Variants in ARL3 observed in about 807,000 individuals in gnomAD.
ARL3 encodes ADP-ribosylation factor-like protein 3.
Under a neutral mutation model 26.0 loss-of-function variants are expected in ARL3, and 9 were observed. That is an observed-to-expected ratio of 0.35 (90% confidence interval 0.21 to 0.60). The LOEUF (loss-of-function observed/expected upper bound fraction) is 0.60. Ranked by LOEUF, ARL3 falls within the 20% of genes least tolerant of loss-of-function variation. The probability of loss-of-function intolerance (pLI) is 0.78; values close to 1 mark genes in which losing one functional copy is unlikely to be tolerated. For synonymous variants in ARL3, 71 were observed against 78.4 expected, an observed-to-expected ratio of 0.91 and a Z score of 0.50; for missense variants, 158 against 215.7, an observed-to-expected ratio of 0.73 and a Z score of 1.67.
At chr10:102,700,402 C>A (rs1392370150) in intron 2 of ARL3, among the ~76,000 whole-genome samples, 1 of 2,454 alleles carries the variant, frequency 4.1e-4, no homozygotes, top group East Asian at 0.021. Context: ...GAGTGAGATT[C>A]CATCTCAAAA....
chr10:102,679,698 C>G (rs1304743332), intron 5 of ARL3, among the ~76,000 whole-genome samples: 2 of 152,180 alleles, frequency 1.3e-5, no homozygotes, highest in African/African-American at 4.8e-5. Context: ...CCCAGCCAAG[C>G]CTCCCTGCAG....
In ARL3 at chr10:102,686,147, C is replaced by A. The variant is rs904911418; in HGVS notation, c.316-146G>T. 4 of 656,370 alleles carry A rather than the reference C, an allele frequency of 6.1e-6. No individual in the cohort carries two copies. In the African/African-American group the frequency reaches 7.4e-5, roughly 12 times the overall value. 40.7% of individuals were successfully genotyped at this position (656,370 alleles called of 1,614,324 possible). On this transcript the variant is annotated intron_variant, in intron 4 of 5. Coordinates refer to ENST00000260746, the MANE Select transcript of ARL3 (RefSeq NM_004311.4). ...AGTGCAATGGCGTGATCTCGGCTCA[C>A]TGCAACCTTCGCTTCCCAGGTTCAA... is the stretch of plus-strand genomic sequence containing the variant.
intron 5 of ARL3, 137 bp downstream of exon 5, chr10:102,685,678 AG>A (rs1164135194): frequency 8.6e-6 from 8 of 925,306 alleles, no homozygotes; most frequent in Non-Finnish European, 1.1e-5. Flanking sequence ...GTTGCTAAGC[AG>A]AAAAGAACCA....
intron 2 of ARL3, among the ~76,000 whole-genome samples, chr10:102,704,141 A>G (rs1590127431): frequency 9.6e-6 from 1 of 103,682 alleles, no homozygotes; most frequent in Admixed American, 1.5e-4. Context: ...ACAGAACGAG[A>G]CTCTGTCTCC....
At chr10:102,684,790 C>T (rs1018345076) in intron 5 of ARL3, among the ~76,000 whole-genome samples, 1 of 151,894 alleles carries the variant, frequency 6.6e-6, no homozygotes, top group Non-Finnish European at 1.5e-5. Context: ...AGGTGTGCAC[C>T]ACCATGTCCG....
rs1449255846 is a variant in ARL3, at chr10:102,676,113, T to G, written c.*781A>C. 2 of 149,128 alleles carry G rather than the reference T, an allele frequency of 1.3e-5. No individual in the cohort carries two copies. The highest frequency in any genetic ancestry group is 5.0e-5 in the African/African-American group (2 of 40,138). The allele number at this position is 149,128 out of a possible 1,614,324, so 9.2% of individuals were successfully genotyped here. Reference sequence around the variant, plus strand: ...CTTTTTAAGGACCTTGTAATTTTTCTGGAATTAAACCTCCCACCTCTCCTT... The same window carrying G: ...CTTTTTAAGGACCTTGTAATTTTTCGGGAATTAAACCTCCCACCTCTCCTT... On this transcript the variant is annotated 3_prime_UTR_variant, in exon 6 of 6. Transcript: ENST00000260746.
intron 3 of ARL3, among the ~76,000 whole-genome samples, chr10:102,697,449 T>G (rs540029175): frequency 6.6e-6 from 1 of 152,192 alleles, no homozygotes; most frequent in Non-Finnish European, 1.5e-5. Context: ...AGTGCTGGGA[T>G]TACAGGCGTG....
At chr10:102,689,182 G>A (rs56771365) in intron 4 of ARL3, among the ~76,000 whole-genome samples, 48,686 of 151,732 alleles carry the variant, frequency 0.32, 8,202 homozygotes, top group African/African-American at 0.37. Context: ...AAAATTAGCC[G>A]GGCGTGGTGG....
intron 3 of ARL3, among the ~76,000 whole-genome samples, chr10:102,697,436 C>T (rs889189047): frequency 2.0e-5 from 3 of 152,280 alleles, no homozygotes; most frequent in African/African-American, 7.2e-5. Context: ...CTTGGCCTCC[C>T]AAAGTGCTGG....
chr10:102,698,857 T>A (rs567044432), intron 3 of ARL3, among the ~76,000 whole-genome samples: 2 of 152,336 alleles, frequency 1.3e-5, no homozygotes, highest in African/African-American at 4.8e-5. Context: ...ACATTCCCCA[T>A]CTTGCTCTTG....
intron 3 of ARL3, among the ~76,000 whole-genome samples, chr10:102,694,217 C>T (rs1330600606): frequency 2.0e-5 from 3 of 151,458 alleles, no homozygotes; most frequent in Non-Finnish European, 4.4e-5. Context: ...TCTCGATCTC[C>T]TGACCTCGTG....
intron 2 of ARL3, among the ~76,000 whole-genome samples, chr10:102,702,809 G>T (rs937521407): frequency 3.9e-5 from 6 of 152,112 alleles, no homozygotes; most frequent in Admixed American, 2.0e-4. Context: ...TGTAAAAATT[G>T]TTCATTTGGT....
chr10:102,706,497 A>G (rs541597612), intron 1 of ARL3, among the ~76,000 whole-genome samples: 2 of 152,170 alleles, frequency 1.3e-5, no homozygotes, highest in Non-Finnish European at 2.9e-5. Context: ...AGACTTCTTC[A>G]TTCAAAATGT....
At chr10:102,693,185 T>C (rs1325136875) in intron 3 of ARL3, among the ~76,000 whole-genome samples, 1 of 152,240 alleles carries the variant, frequency 6.6e-6, no homozygotes. Context: ...GGAATATCAA[T>C]TTCCAACTAA....
chr10:102,681,665 G>T lies in ARL3; in HGVS notation c.501+4151C>A, dbSNP rs142068682. ...ACATCACAAGAAAAGGTGAGCATGA[G>T]GGGGTGGCCTGGAGAGCAGCACCCA... On this transcript the variant is annotated intron_variant, in intron 5 of 5. Coordinates refer to ENST00000260746, the MANE Select transcript of ARL3 (RefSeq NM_004311.4). Among the ~76,000 whole-genome samples, 44 of 152,244 alleles carry T rather than the reference G, an allele frequency of 2.9e-4. No individual in the cohort carries two copies. The East Asian group carries it at 8.1e-3, about 28-fold the overall frequency.
intron 3 of ARL3, among the ~76,000 whole-genome samples, chr10:102,692,929 C>T (rs916418941): frequency 2.6e-5 from 4 of 152,202 alleles, no homozygotes; most frequent in African/African-American, 7.2e-5. Flanking sequence ...ATCTCCTGAC[C>T]TCGTGATCTG....
chr10:102,674,561 G>C lies in ARL3; in HGVS notation c.*2333C>G, dbSNP rs1321843534. 6.6e-6 allele frequency: 1 copy of C among 152,188 alleles called. No individual in the cohort carries two copies. Among genetic ancestry groups the C allele is most frequent in the Non-Finnish European group, 1.5e-5 (1 of 68,080 alleles). 9.4% of individuals were successfully genotyped at this position (152,188 alleles called of 1,614,324 possible). The stretch of plus-strand genomic sequence containing the variant: ...CAAAAGTCTCGCTAAGACTCACTGG[G>C]GACAGGAGGAGGGGAAAAGGGGTCT... On this transcript the variant is annotated 3_prime_UTR_variant, in exon 6 of 6. Coordinates refer to ENST00000260746, the MANE Select transcript of ARL3 (RefSeq NM_004311.4).
At chr10:102,679,715 T>G (rs953418733) in intron 5 of ARL3, among the ~76,000 whole-genome samples, 3 of 152,192 alleles carry the variant, frequency 2.0e-5, no homozygotes, top group Non-Finnish European at 4.4e-5. Flanking sequence ...GCAGCTCCGA[T>G]AGTGCCAGAG....
At chr10:102,697,099 T>A (rs2064252817) in intron 3 of ARL3, among the ~76,000 whole-genome samples, 1 of 152,154 alleles carries the variant, frequency 6.6e-6, no homozygotes, top group African/African-American at 2.4e-5. Flanking sequence ...ATGGTAAGTA[T>A]TTATGGATCT....
Sources: allele counts gnomAD v4.1 joint callset (sites outside exome capture counted in the v4.1 genomes callset), GRCh38; gene constraint gnomAD v4.1.1; transcripts MANE v1.5; gene names NCBI Gene and HGNC (gene_info 2026-07-23, HGNC 2026-07-21).